Variants in MDGA2 observed in about 807,000 individuals in gnomAD.
MDGA2 encodes the protein MAM domain-containing glycosylphosphatidylinositol anchor protein 2.
MDGA2 carries 40 observed loss-of-function variants against 117.8 expected under a neutral mutation model. That is an observed-to-expected ratio of 0.34 (90% confidence interval 0.26 to 0.44). The LOEUF (loss-of-function observed/expected upper bound fraction) is 0.44, where lower values mean the gene tolerates loss of function less well. Ranked by LOEUF, MDGA2 falls within the 20% of genes least tolerant of loss-of-function variation. The pLI is 1.00. For synonymous variants in MDGA2, 452 were observed against 439.0 expected, an observed-to-expected ratio of 1.03 and a Z score of -0.37; for missense variants, 1,123 against 1,250.6, an observed-to-expected ratio of 0.90 and a Z score of 1.54.
At chr14:47,539,620 C>T (rs144016315) in intron 1 of MDGA2, among the ~76,000 whole-genome samples, 262 of 152,292 alleles carry the variant, frequency 1.7e-3, no homozygotes, top group Non-Finnish European at 2.8e-3. Flanking sequence ...CAATCGATCA[C>T]AGTGAACTAT....
chr14:46,934,398 T>C (rs1474251241), intron 9 of MDGA2, among the ~76,000 whole-genome samples: 3 of 152,138 alleles, frequency 2.0e-5, no homozygotes, highest in African/African-American at 7.2e-5. Flanking sequence ...CACAAAGAAC[T>C]TTCACAAATA....
At chr14:46,931,070 C>T (rs1214790991) in intron 9 of MDGA2, among the ~76,000 whole-genome samples, 1 of 151,786 alleles carries the variant, frequency 6.6e-6, no homozygotes, top group African/African-American at 2.4e-5. Flanking sequence ...CAAAAATTAG[C>T]AGGGCATGGT....
intron 1 of MDGA2, among the ~76,000 whole-genome samples, chr14:47,429,560 C>T (rs1892757855): frequency 6.6e-6 from 1 of 152,114 alleles, no homozygotes; most frequent in South Asian, 2.1e-4. Flanking sequence ...TGCATCTCTG[C>T]ATTGTGACTT....
intron 10 of MDGA2, among the ~76,000 whole-genome samples, chr14:46,883,523 GT>G (rs948199779): frequency 6.6e-6 from 1 of 152,004 alleles, no homozygotes; most frequent in African/African-American, 2.4e-5. Flanking sequence ...AGAATTACAA[GT>G]GAGAATGCTC....
intron 5 of MDGA2, among the ~76,000 whole-genome samples, chr14:47,110,601 G>A (rs17279312): frequency 1.3e-5 from 2 of 152,010 alleles, no homozygotes; most frequent in African/African-American, 4.8e-5. Flanking sequence ...TTATGACTCT[G>A]TAACTTTATT....
intron 1 of MDGA2, among the ~76,000 whole-genome samples, chr14:47,660,474 C>G (rs147885061): frequency 2.6e-3 from 390 of 152,286 alleles, no homozygotes; most frequent in Non-Finnish European, 4.6e-3. Flanking sequence ...CACTAAACTG[C>G]ACTAATCTGT....
At chr14:47,073,563 A>G (rs1890371957) in intron 6 of MDGA2, among the ~76,000 whole-genome samples, 1 of 152,192 alleles carries the variant, frequency 6.6e-6, no homozygotes, top group Non-Finnish European at 1.5e-5. Flanking sequence ...CCAAAGGTGC[A>G]CAGATGAAGA....
At chr14:46,963,788 AC>A (rs1308082800) in intron 8 of MDGA2, among the ~76,000 whole-genome samples, 1 of 152,156 alleles carries the variant, frequency 6.6e-6, no homozygotes, top group African/African-American at 2.4e-5. Context: ...TTACAAAGGG[AC>A]CTAAAATTCT....
intron 11 of MDGA2, among the ~76,000 whole-genome samples, chr14:46,880,296 G>C (rs1882393549): frequency 6.6e-6 from 1 of 152,022 alleles, no homozygotes; most frequent in Non-Finnish European, 1.5e-5. Flanking sequence ...CTGCACTCCA[G>C]CCTGGGAGAC....
intron 1 of MDGA2, among the ~76,000 whole-genome samples, chr14:47,531,882 G>A (rs1895108983): frequency 6.6e-6 from 1 of 152,168 alleles, no homozygotes; most frequent in African/African-American, 2.4e-5. Flanking sequence ...ATATTTAGAA[G>A]TCTATAAAAT....
chr14:47,161,727 C>T (rs190201846), intron 3 of MDGA2, among the ~76,000 whole-genome samples: 1 of 151,814 alleles, frequency 6.6e-6, no homozygotes, highest in Non-Finnish European at 1.5e-5. Context: ...CATCCTTGCC[C>T]CTGATAAGGA....
At chr14:47,651,137 T>C (rs1897632482) in intron 1 of MDGA2, among the ~76,000 whole-genome samples, 1 of 152,138 alleles carries the variant, frequency 6.6e-6, no homozygotes, top group South Asian at 2.1e-4. Flanking sequence ...TTTCATTATA[T>C]GTCATTTTGC....
chr14:47,176,344 T>A (rs1478779913), intron 3 of MDGA2, among the ~76,000 whole-genome samples: 1 of 152,050 alleles, frequency 6.6e-6, no homozygotes, highest in Admixed American at 6.6e-5. Flanking sequence ...CATTGCCAAG[T>A]CAATCCTAAG....
intron 2 of MDGA2, among the ~76,000 whole-genome samples, chr14:47,242,332 C>T (rs540475230): frequency 6.6e-6 from 1 of 151,954 alleles, no homozygotes. Context: ...GCCTGGGCTC[C>T]CACTTTGTGG....
chr14:47,134,195 G>T (rs892803024), intron 4 of MDGA2, among the ~76,000 whole-genome samples: 4 of 152,052 alleles, frequency 2.6e-5, no homozygotes, highest in Non-Finnish European at 4.4e-5. Context: ...AGAGAGTAGA[G>T]ATTATGTCTG....
At chr14:47,471,967 C>T (rs945738243) in intron 1 of MDGA2, among the ~76,000 whole-genome samples, 18 of 152,026 alleles carry the variant, frequency 1.2e-4, no homozygotes, top group Admixed American at 8.5e-4. Context: ...GGATAAAATG[C>T]TTTTCATTCA....
intron 3 of MDGA2, among the ~76,000 whole-genome samples, chr14:47,169,910 A>G (rs900667554): frequency 1.3e-5 from 2 of 152,166 alleles, no homozygotes; most frequent in African/African-American, 4.8e-5. Flanking sequence ...AGAAATTGAA[A>G]AAAATTACCT....
At chr14:47,362,506 C>T (rs550972731) in intron 1 of MDGA2, among the ~76,000 whole-genome samples, 1 of 152,158 alleles carries the variant, frequency 6.6e-6, no homozygotes, top group East Asian at 1.9e-4. Flanking sequence ...TTAATATTAT[C>T]CAGCTATTTG....
chr14:47,402,848 T>G (rs924013303), intron 1 of MDGA2, among the ~76,000 whole-genome samples: 1 of 152,042 alleles, frequency 6.6e-6, no homozygotes, highest in Non-Finnish European at 1.5e-5. Context: ...TTCAAAATCC[T>G]TCTCTTCTGT....
Sources: allele counts gnomAD v4.1 joint callset (sites outside exome capture counted in the v4.1 genomes callset), GRCh38; gene constraint gnomAD v4.1.1; transcripts MANE v1.5; gene names NCBI Gene and HGNC (gene_info 2026-07-23, HGNC 2026-07-21).